MYO9A: variants seen among roughly 807,000 people sequenced by gnomAD.
The protein encoded by MYO9A is myosin IXA.
In MYO9A, 103 loss-of-function variants were observed where a neutral mutation model predicts 293.3. That is an observed-to-expected ratio of 0.35 (90% CI 0.30 to 0.41). MYO9A has a LOEUF of 0.41. Ranked by LOEUF, MYO9A falls within the 10% of genes least tolerant of loss-of-function variation. The probability of loss-of-function intolerance (pLI) is 1.00; values close to 1 mark genes in which losing one functional copy is unlikely to be tolerated. For synonymous variants in MYO9A, 1,001 were observed against 1,035.7 expected, an observed-to-expected ratio of 0.97 and a Z score of 0.64; for missense variants, 2,685 against 3,033.0, an observed-to-expected ratio of 0.89 and a Z score of 2.69.
intron 1 of MYO9A, among the ~76,000 whole-genome samples, chr15:72,069,355 C>A (rs903377785): frequency 1.3e-5 from 2 of 152,114 alleles, no homozygotes; most frequent in African/African-American, 4.8e-5. Flanking sequence ...TTGATAGTCT[C>A]CCCTACTAGT....
chr15:71,954,827 A>G lies in MYO9A; in HGVS notation c.2183-2931T>C, dbSNP rs138736842. 2.0e-5 allele frequency among the ~76,000 whole-genome samples: 3 copies of G among 152,346 alleles called. No individual in the cohort carries two copies. In the East Asian group the frequency reaches 5.8e-4, roughly 29 times the overall value. On this transcript the variant is annotated intron_variant, in intron 14 of 41. Coordinates refer to ENST00000356056, the MANE Select transcript of MYO9A (RefSeq NM_006901.4). ...GACTATGTAACAGAGGCTCAGTCCC[A>G]GCTCCAAAGTATCATTCAGACCTTA... is the stretch of plus-strand genomic sequence containing the variant.
chr15:71,841,024 T>C lies in MYO9A; in HGVS notation c.6837+7821A>G, dbSNP rs115278676. Among the ~76,000 whole-genome samples, 885 of 152,328 alleles carry C rather than the reference T, an allele frequency of 5.8e-3. 10 individuals are homozygous for C. The highest frequency in any genetic ancestry group is 0.02 in the African/African-American group (846 of 41,566). ...GTTTAAAGTGTGTGTGTGTACAATA[T>C]ACAAATGGGCATTTTTCTTCCATCA... is the stretch of plus-strand genomic sequence containing the variant. On this transcript the variant is annotated intron_variant, in intron 39 of 41. Coordinates refer to ENST00000356056, the MANE Select transcript of MYO9A (RefSeq NM_006901.4).
chr15:71,983,025 T>C (rs183379030), intron 11 of MYO9A, among the ~76,000 whole-genome samples: 1 of 152,338 alleles, frequency 6.6e-6, no homozygotes, highest in East Asian at 1.9e-4. Context: ...TATATACTTA[T>C]ATTTAAAATG....
At chr15:71,834,703 C>T (rs533851637) in intron 39 of MYO9A, among the ~76,000 whole-genome samples, 10 of 152,054 alleles carry the variant, frequency 6.6e-5, no homozygotes, top group African/African-American at 1.4e-4. Flanking sequence ...GAGGTTGAGG[C>T]TGCAGTGAGC....
At chr15:72,101,812 G>A (rs1176371923) in intron 1 of MYO9A, among the ~76,000 whole-genome samples, 1 of 149,024 alleles carries the variant, frequency 6.7e-6, no homozygotes, top group Non-Finnish European at 1.5e-5. Flanking sequence ...GTCCGGGAGG[G>A]AGGTGGCGGG....
intron 1 of MYO9A, among the ~76,000 whole-genome samples, chr15:72,115,997 G>A (rs1254182436): frequency 1.7e-4 from 26 of 152,078 alleles, no homozygotes; most frequent in Admixed American, 1.7e-3. Flanking sequence ...TGACCTCTAG[G>A]ATGTAGTATT....
chr15:72,108,976 T>G (rs1249934993), intron 1 of MYO9A, among the ~76,000 whole-genome samples: 1 of 152,134 alleles, frequency 6.6e-6, no homozygotes, highest in Non-Finnish European at 1.5e-5. Context: ...TTGGCCAGGC[T>G]GGTCTCAAAC....
intron 19 of MYO9A, among the ~76,000 whole-genome samples, chr15:71,907,706 A>AT (rs1483033048): frequency 4.0e-5 from 6 of 151,092 alleles, no homozygotes; most frequent in African/African-American, 1.5e-4. Flanking sequence ...GATGGTGAGC[A>AT]TTTTTTCATG....
chr15:71,955,013 G>A (rs1462657292), intron 14 of MYO9A, among the ~76,000 whole-genome samples: 1 of 152,032 alleles, frequency 6.6e-6, no homozygotes, highest in Non-Finnish European at 1.5e-5. Flanking sequence ...CCTGAATCAA[G>A]ATAGAGAACA....
At chr15:72,113,288 G>C (rs1006273007) in intron 1 of MYO9A, among the ~76,000 whole-genome samples, 1 of 152,118 alleles carries the variant, frequency 6.6e-6, no homozygotes, top group Non-Finnish European at 1.5e-5. Flanking sequence ...AAATCTTCCT[G>C]AAGAATATAC....
At chr15:72,041,267 G>A (rs2957749) in intron 2 of MYO9A, 1,030,367 of 1,077,548 alleles carry the variant, frequency 0.96, 493,929 homozygotes, top group Non-Finnish European at 0.97. Flanking sequence ...CTTCACCTGC[G>A]TTGTATTTTC....
At chr15:72,026,089 T>C (rs2077658228) in intron 4 of MYO9A, among the ~76,000 whole-genome samples, 2 of 151,380 alleles carry the variant, frequency 1.3e-5, no homozygotes, top group African/African-American at 4.9e-5. Context: ...CTGGATAACA[T>C]GGTGAAACCC....
chr15:71,928,025 CTA>C (rs1331598412), intron 18 of MYO9A, among the ~76,000 whole-genome samples: 4 of 25,596 alleles, frequency 1.6e-4, no homozygotes, highest in African/African-American at 4.6e-4. Context: ...CAATACCTTT[CTA>C]ATATATATAT....
chr15:71,828,161 T>C (rs1251509131), intron 40 of MYO9A, 135 bp from the exon 41 acceptor site: 1 of 982,098 alleles, frequency 1.0e-6, no homozygotes, highest in Non-Finnish European at 1.5e-6. Context: ...ATCCAGGTGG[T>C]GATGAGGACC....
intron 1 of MYO9A, among the ~76,000 whole-genome samples, chr15:72,066,496 A>AAAAAG (rs1555417587): frequency 1.3e-5 from 2 of 151,234 alleles, no homozygotes; most frequent in African/African-American, 4.9e-5. Context: ...AAAAAAAAAA[A>AAAAAG]AAAGAAAGAA....
At chr15:72,054,513 A>G (rs1475250258) in intron 1 of MYO9A, among the ~76,000 whole-genome samples, 8 of 152,090 alleles carry the variant, frequency 5.3e-5, no homozygotes, top group Non-Finnish European at 4.4e-5. Context: ...TCTACTAAAA[A>G]TACAAAAATT....
chr15:72,071,474 C>T (rs2079188790), intron 1 of MYO9A, among the ~76,000 whole-genome samples: 1 of 152,184 alleles, frequency 6.6e-6, no homozygotes, highest in Non-Finnish European at 1.5e-5. Flanking sequence ...GGCGCAGTGG[C>T]TCACGCCTGT....
intron 26 of MYO9A, chr15:71,890,217 G>A (rs1286377939): frequency 2.0e-5 from 3 of 152,132 alleles, no homozygotes; most frequent in African/African-American, 7.2e-5. Flanking sequence ...CACAGACAAG[G>A]ATCAGAGAGT....
intron 8 of MYO9A, among the ~76,000 whole-genome samples, chr15:72,006,108 C>T (rs1001981034): frequency 3.9e-5 from 6 of 152,064 alleles, no homozygotes; most frequent in African/African-American, 1.2e-4. Flanking sequence ...GACAGGGTCT[C>T]GCTCTGTTAC....
Sources: gnomAD v4.1 joint callset for allele counts (sites outside exome capture counted in the v4.1 genomes callset) on GRCh38, gnomAD v4.1.1 for gene constraint, MANE v1.5 for transcripts, NCBI Gene and HGNC (gene_info 2026-07-23, HGNC 2026-07-21) for gene names.